Variants in MSANTD2 observed in about 807,000 individuals in gnomAD.
The protein encoded by MSANTD2 is myb/SANT-like DNA-binding domain-containing protein 2.
Under a neutral mutation model 52.6 loss-of-function variants are expected in MSANTD2, and 19 were observed. The ratio of observed to expected loss-of-function variants is 0.36; its 90% CI spans 0.25 to 0.53. The LOEUF (loss-of-function observed/expected upper bound fraction) is 0.53, where lower values mean the gene tolerates loss of function less well. Among genes scored for constraint, MSANTD2 ranks in the 20% least tolerant of loss-of-function variants. The pLI is 0.91. For missense variants in MSANTD2, 558 were observed against 716.3 expected (o/e 0.78, Z 2.52); for synonymous variants, 291 against 289.7 (o/e 1.00, Z -0.04).
chr11:124,767,268 A>G lies in MSANTD2; in HGVS notation c.1588T>C (p.Phe530Leu). The part of the protein sequence containing the change: ...GVSPKSIYIK[F>L]VEVERDFLSA... ...AGAAAATCCCTCTCTACTTCTACAA[A>G]TTTGATGTAGATGGATTTGGGGGAA... Residue 530 changes from phenylalanine (F) to leucine (L), a missense_variant, in exon 4 of 4, where the codon TTT becomes CTT. Physicochemically the swap from Phe to Leu is conservative, Grantham distance 22 (BLOSUM62 0). Around this residue, in one of 2 missense-constraint regions of MSANTD2, gnomAD observed 408 missense variants for 573.6 expected, o/e 0.71. Coordinates refer to ENST00000374979, the MANE Select transcript of MSANTD2 (RefSeq NM_001308027.2). This position sits in a 1 kb window ranked among gnomAD's most constrained non-coding sequence, Gnocchi z 6.5. The G allele has an allele frequency of 1.2e-6, 2 of 1,614,116 alleles. No homozygotes were observed. Among genetic ancestry groups the G allele is most frequent in the Non-Finnish European group, 1.7e-6 (2 of 1,180,004 alleles).
chr11:124,780,475 T>C (rs1410974918), intron 1 of MSANTD2, among the ~76,000 whole-genome samples: 1 of 152,212 alleles, frequency 6.6e-6, no homozygotes, highest in Non-Finnish European at 1.5e-5. Context: ...AAATACAAAA[T>C]GTTTTTATTC....
rs1345086385 is a variant in MSANTD2 at position 124,779,263 on chromosome 11, A to AT, written c.511-4290_511-4289insA. On this transcript the variant is annotated intron_variant, in intron 1 of 3. Coordinates refer to ENST00000374979, the MANE Select transcript of MSANTD2 (RefSeq NM_001308027.2). The surrounding 1 kb of genome is among the most constrained non-coding windows in gnomAD (Gnocchi z 4.6). ...AGCCCTTCCTGACATTACCTAAGCT[A>AT]CTTTTGGGGTGAAATTAAGGTTTAT... 6.6e-6 allele frequency: 1 copy of AT among 152,234 alleles called. No individual in the cohort carries two copies. Among genetic ancestry groups the AT allele is most frequent in the Non-Finnish European group, 1.5e-5 (1 of 68,034 alleles). 9.4% of individuals were successfully genotyped at this position (152,234 alleles called of 1,614,324 possible). A position where few individuals can be genotyped will look rare whatever the true frequency, so the allele number is the denominator to read the frequency against.
At chr11:124,791,855 G>C in intron 1 of MSANTD2, 1 of 443,400 alleles carries the variant, frequency 2.3e-6, no homozygotes, top group East Asian at 4.5e-5. Context: ...TGTTATGAAA[G>C]AGGCTCTACA....
intron 1 of MSANTD2, 153 bp from the exon 2 acceptor site, chr11:124,775,127 G>GA (rs968508658): frequency 4.7e-6 from 3 of 639,418 alleles, no homozygotes; most frequent in Non-Finnish European, 5.1e-6. Flanking sequence ...TATTATATTA[G>GA]AAAAAAATAC....
At chr11:124,768,582 T>C (rs1944389085) in intron 3 of MSANTD2, among the ~76,000 whole-genome samples, 1 of 152,200 alleles carries the variant, frequency 6.6e-6, no homozygotes, top group African/African-American at 2.4e-5. Context: ...TGGGAAAATA[T>C]ACAACTGATT....
intron 3 of MSANTD2, among the ~76,000 whole-genome samples, chr11:124,768,978 A>C (rs994787605): frequency 3.5e-4 from 53 of 152,222 alleles, no homozygotes; most frequent in African/African-American, 1.3e-3. Context: ...TTAAATATTA[A>C]CTTGGCAACA....
intron 3 of MSANTD2, among the ~76,000 whole-genome samples, chr11:124,769,172 G>C (rs1353909882): frequency 1.3e-5 from 2 of 152,212 alleles, no homozygotes; most frequent in Non-Finnish European, 2.9e-5. Context: ...TCTAGGGGAG[G>C]AGCTTTGGGA....
chr11:124,799,527 C>G (rs552108839), intron 1 of MSANTD2, among the ~76,000 whole-genome samples: 2 of 152,294 alleles, frequency 1.3e-5, no homozygotes, highest in African/African-American at 4.8e-5. Context: ...TGGAACAAAG[C>G]GAGGGGCCCC....
chr11:124,799,923 AG>A lies in MSANTD2; in HGVS notation c.457del (p.Leu153TrpfsTer27). ...GGTCCGCTCGTAGCCCAGCTCGGCC[AG>A]GGCCCGGGACACGCGCTCGTACATG... ...PAMYERVSRA[L>X]AELGYERTPS... On this transcript the variant is annotated frameshift_variant, in exon 1 of 4. Coordinates refer to ENST00000374979, the MANE Select transcript of MSANTD2 (RefSeq NM_001308027.2). LOFTEE classifies it high-confidence loss of function. 6.3e-7 allele frequency: 1 copy of A among 1,585,484 alleles called. No homozygotes were observed. Among genetic ancestry groups the A allele is most frequent in the Non-Finnish European group, 8.5e-7 (1 of 1,174,154 alleles).
chr11:124,784,746 G>T, intron 1 of MSANTD2: 1 of 831,584 alleles, frequency 1.2e-6, no homozygotes, highest in Non-Finnish European at 1.4e-6. Context: ...TCCATTAGTA[G>T]ATTTTACACA....
chr11:124,771,256 G>C (rs957757569), intron 3 of MSANTD2, among the ~76,000 whole-genome samples: 3 of 152,170 alleles, frequency 2.0e-5, no homozygotes, highest in Non-Finnish European at 4.4e-5. Context: ...TTCCCAATAA[G>C]AAATGGCCTT....
intron 1 of MSANTD2, chr11:124,791,380 C>A (rs78041243): frequency 2.2e-6 from 3 of 1,363,770 alleles, no homozygotes; most frequent in Non-Finnish European, 2.1e-6. Context: ...GGCATCATTA[C>A]GGGCTACATC....
At chr11:124,783,130 C>T (rs544823225) in intron 1 of MSANTD2, among the ~76,000 whole-genome samples, 9 of 152,172 alleles carry the variant, frequency 5.9e-5, no homozygotes, top group South Asian at 4.2e-4. Context: ...TGATTTTAAT[C>T]GGGTCAAACA....
chr11:124,784,396 G>T, intron 1 of MSANTD2: 2 of 985,140 alleles, frequency 2.0e-6, no homozygotes, highest in Non-Finnish European at 2.4e-6. Context: ...TGGCATAGCA[G>T]GGGAGAACCA....
intron 1 of MSANTD2, among the ~76,000 whole-genome samples, chr11:124,797,973 T>C (rs1945548069): frequency 6.6e-6 from 1 of 152,216 alleles, no homozygotes; most frequent in South Asian, 2.1e-4. Context: ...CAACACACTT[T>C]TTCTGCGTGA....
At chr11:124,782,262 T>G (rs577408836) in intron 1 of MSANTD2, among the ~76,000 whole-genome samples, 2 of 149,564 alleles carry the variant, frequency 1.3e-5, no homozygotes, top group African/African-American at 5.0e-5. Context: ...GCCTGGTCAA[T>G]ATAGCAAGAC....
At position 124,774,585 on chromosome 11, in the gene MSANTD2, T is replaced by C. The variant is rs2135238377; in HGVS notation, c.766+134A>G. The C allele has an allele frequency of 2.3e-6, 2 of 851,630 alleles. No homozygotes were observed. The highest frequency in any genetic ancestry group is 2.5e-5 in the East Asian group (1 of 40,362). 52.8% of individuals were successfully genotyped at this position (851,630 alleles called of 1,614,324 possible). ...TCATGAAAGACATACAAGGCAGAGA[T>C]GCCCTTTATGCCTTATGCTGACCAC... On this transcript the variant is annotated intron_variant, in intron 2 of 3. Transcript: ENST00000374979. This position sits in a 1 kb window ranked among gnomAD's most constrained non-coding sequence, Gnocchi z 5.1.
chr11:124,771,764 A>C (rs1281913800), intron 3 of MSANTD2, among the ~76,000 whole-genome samples: 1 of 152,110 alleles, frequency 6.6e-6, no homozygotes, highest in Non-Finnish European at 1.5e-5. Flanking sequence ...CAAAACAAAA[A>C]ACAACTAATG....
At position 124,774,386 on chromosome 11, in the gene MSANTD2, G is replaced by T. The variant is rs1019438390; in HGVS notation, c.766+333C>A. ...GTACAGGATATTTAGAATTGCATAG[G>T]ATGTTACCTGTCACTGAGTGTACTT... On this transcript the variant is annotated intron_variant, in intron 2 of 3. Coordinates refer to ENST00000374979, the MANE Select transcript of MSANTD2 (RefSeq NM_001308027.2). This position sits in a 1 kb window ranked among gnomAD's most constrained non-coding sequence, Gnocchi z 5.1. Among the ~76,000 whole-genome samples, 1 of 152,204 alleles carries T rather than the reference G, an allele frequency of 6.6e-6. No homozygotes were observed. Among genetic ancestry groups the T allele is most frequent in the Non-Finnish European group, 1.5e-5 (1 of 68,034 alleles).
Sources: gnomAD v4.1 joint callset for allele counts (sites outside exome capture counted in the v4.1 genomes callset) on GRCh38, gnomAD v4.1.1 for gene constraint, gnomAD v4.1.1 regional missense constraint, Gnocchi (gnomAD v3.1) non-coding constraint, MANE v1.5 for transcripts, NCBI Gene and HGNC (gene_info 2026-07-23, HGNC 2026-07-21) for gene names.